The following HM13 variants were observed in gnomAD, a reference collection of about 807,000 sequenced individuals.
HM13 encodes the protein histocompatibility minor 13.
HM13 carries 18 observed loss-of-function variants against 50.0 expected under a neutral mutation model. The ratio of observed to expected loss-of-function variants is 0.36; its 90% CI spans 0.25 to 0.53. The LOEUF is 0.53. HM13 is among the 20% of genes least tolerant of loss of function. The pLI is 0.90. For synonymous variants in HM13, 197 were observed against 232.6 expected, an observed-to-expected ratio of 0.85 and a Z score of 1.39; for missense variants, 393 against 552.4, an observed-to-expected ratio of 0.71 and a Z score of 2.89.
intron 10 of HM13, among the ~76,000 whole-genome samples, chr20:31,563,641 A>C (rs1341358911): frequency 6.6e-6 from 1 of 152,066 alleles, no homozygotes; most frequent in Non-Finnish European, 1.5e-5. Flanking sequence ...GGATTGTTAG[A>C]TTCAATAATT....
chr20:31,533,268 C>T (rs1057086346), intron 2 of HM13, among the ~76,000 whole-genome samples: 1 of 152,176 alleles, frequency 6.6e-6, no homozygotes, highest in Admixed American at 6.5e-5. Flanking sequence ...TTTGGGAGGC[C>T]GAGGCGGGCA....
chr20:31,537,320 G>A (rs185591754), intron 2 of HM13, among the ~76,000 whole-genome samples: 58 of 152,390 alleles, frequency 3.8e-4, no homozygotes, highest in Admixed American at 6.5e-4. Flanking sequence ...CCAACAGGTG[G>A]ATGTGAGCTT....
chr20:31,517,166 G>A (rs1981841121), intron 1 of HM13, among the ~76,000 whole-genome samples: 1 of 152,186 alleles, frequency 6.6e-6, no homozygotes, highest in Non-Finnish European at 1.5e-5. Context: ...TTTCCCACCA[G>A]TGTTGGACCC....
intron 1 of HM13, among the ~76,000 whole-genome samples, chr20:31,515,842 A>G (rs1040904634): frequency 3.3e-5 from 5 of 151,842 alleles, no homozygotes; most frequent in African/African-American, 1.2e-4. Context: ...CACCTTCCCG[A>G]TGCTCCTCCC....
At chr20:31,554,114 C>G (rs967494655) in intron 7 of HM13, among the ~76,000 whole-genome samples, 3 of 152,174 alleles carry the variant, frequency 2.0e-5, no homozygotes, top group Non-Finnish European at 4.4e-5. Context: ...CAGATGGAGA[C>G]ATTGCCCTGC....
At chr20:31,532,606 C>A (rs935762654) in intron 2 of HM13, among the ~76,000 whole-genome samples, 1 of 151,920 alleles carries the variant, frequency 6.6e-6, no homozygotes, top group Non-Finnish European at 1.5e-5. Context: ...CATTTGACTT[C>A]TGTCCTTAGA....
chr20:31,554,717 A>C (rs2122639372), intron 7 of HM13, 29 bp from the exon 8 acceptor site: 1 of 1,590,422 alleles, frequency 6.3e-7, no homozygotes, highest in African/African-American at 1.4e-5. Flanking sequence ...GCTCCAGCTG[A>C]CTCCTCACAT....
chr20:31,538,769 T>C, intron 3 of HM13: 1 of 488,036 alleles, frequency 2.0e-6, no homozygotes, highest in South Asian at 8.8e-5. Flanking sequence ...TTAATCTCTC[T>C]GGCCTCAATT....
intron 4 of HM13, chr20:31,548,338 G>A (rs1020149614): frequency 5.1e-5 from 16 of 312,074 alleles, no homozygotes; most frequent in Non-Finnish European, 7.2e-5. Flanking sequence ...AGGAAGCTTG[G>A]AAGCAATTGA....
At position 31,516,161 on chromosome 20, in the gene HM13, C is replaced by T. The variant is rs571022767; in HGVS notation, c.183+1427C>T. 1.1e-4 allele frequency among the ~76,000 whole-genome samples: 16 copies of T among 152,292 alleles called. No individual in the cohort carries two copies. In the East Asian group the frequency reaches 3.1e-3, roughly 29 times the overall value. On this transcript the variant is annotated intron_variant, in intron 1 of 12. Transcript: ENST00000398174. ...GGTGATATTAAGCCTCTCTACTATG[C>T]CTGTCAGGTAGACACTTAGTGTAGA...
At chr20:31,559,125 C>G (rs572821029) in intron 8 of HM13, among the ~76,000 whole-genome samples, 1 of 152,292 alleles carries the variant, frequency 6.6e-6, no homozygotes, top group African/African-American at 2.4e-5. Flanking sequence ...GCCATGTTGG[C>G]CAGGATGGTC....
intron 3 of HM13, chr20:31,539,249 G>A: frequency 1.0e-6 from 1 of 985,568 alleles, no homozygotes; most frequent in Non-Finnish European, 1.2e-6. Context: ...TTGCATACCA[G>A]TATTCCCCAG....
intron 1 of HM13, among the ~76,000 whole-genome samples, chr20:31,519,581 C>T (rs1367805411): frequency 6.6e-6 from 1 of 152,106 alleles, no homozygotes; most frequent in Non-Finnish European, 1.5e-5. Context: ...TCAGCATCAC[C>T]CCAGAACTTG....
At position 31,533,864 on chromosome 20, in the gene HM13, T is replaced by C. The variant is rs559984261; in HGVS notation, c.283-4315T>C. Among the ~76,000 whole-genome samples, 4 of 152,296 alleles carry C rather than the reference T, an allele frequency of 2.6e-5. No individual in the cohort carries two copies. In the South Asian group the frequency reaches 8.3e-4, roughly 32 times the overall value. Reference sequence around the variant, plus strand: ...CACCAATTGTGTTGTAAAAAAGATGTTCCCCTTGTGAGGTTTTTTTGTCCT... The same window carrying C: ...CACCAATTGTGTTGTAAAAAAGATGCTCCCCTTGTGAGGTTTTTTTGTCCT... On this transcript the variant is annotated intron_variant, in intron 2 of 12. Coordinates refer to ENST00000398174, the MANE Select transcript of HM13 (RefSeq NM_178581.3).
chr20:31,527,456 G>A (rs755040501), intron 1 of HM13, 28 bp from the exon 2 acceptor site: 3 of 1,526,174 alleles, frequency 2.0e-6, no homozygotes, highest in South Asian at 2.2e-5. Context: ...CAGCCGTGCT[G>A]AGCCATTGTC....
intron 4 of HM13, chr20:31,547,811 A>G (rs1983809608): frequency 4.2e-6 from 4 of 954,382 alleles, no homozygotes; most frequent in East Asian, 2.4e-5. Context: ...GGAGCTATCA[A>G]ATTTGTACTC....
At chr20:31,550,636 A>G (rs755382621) in intron 7 of HM13, among the ~76,000 whole-genome samples, 3 of 152,264 alleles carry the variant, frequency 2.0e-5, no homozygotes, top group African/African-American at 7.2e-5. Context: ...TTGAGCACTG[A>G]CATGACACCA....
chr20:31,568,022 C>G, intron 11 of HM13, 56 bp from the exon 12 acceptor site: 2 of 1,450,242 alleles, frequency 1.4e-6, no homozygotes, highest in Non-Finnish European at 1.9e-6. Flanking sequence ...TCTGTCCTCC[C>G]TTAGTCTTTC....
intron 2 of HM13, 123 bp from the exon 3 acceptor site, chr20:31,538,056 T>C (rs1983215252): frequency 1.8e-6 from 2 of 1,129,756 alleles, no homozygotes; most frequent in African/African-American, 1.6e-5. Flanking sequence ...TCTGAGACTC[T>C]TCCTGACTGT....
Sources: allele counts gnomAD v4.1 joint callset (sites outside exome capture counted in the v4.1 genomes callset), GRCh38; gene constraint gnomAD v4.1.1; transcripts MANE v1.5; gene names NCBI Gene and HGNC (gene_info 2026-07-23, HGNC 2026-07-21).